The following MGAM2 variants were observed in gnomAD, a reference collection of about 807,000 sequenced individuals.
MGAM2 encodes the protein maltase-glucoamylase 2 (putative), also known as probable maltase-glucoamylase 2.
Under a neutral mutation model 96.1 loss-of-function variants are expected in MGAM2, and 98 were observed. The ratio of observed to expected loss-of-function variants is 1.02; its 90% CI spans 0.87 to 1.21. MGAM2 has a LOEUF of 1.21. MGAM2 is among the 50% of genes most tolerant of loss of function. The pLI is 0.00. For missense variants in MGAM2, 2,055 were observed against 1,182.4 expected (o/e 1.74, Z -10.82); for synonymous variants, 749 against 414.8 (o/e 1.81, Z -9.79).
At position 142,136,393 on chromosome 7, in the gene MGAM2, T is replaced by C. The variant is rs111893329; in HGVS notation, c.748-148T>C. On this transcript the variant is annotated intron_variant, in intron 7 of 47. Transcript: ENST00000477922. ...TGTTTATTCATTTTCCAGTTGATAATATCATTACAATGCCTTTTTGATACA... is the reference window on the plus strand; with the variant it reads ...TGTTTATTCATTTTCCAGTTGATAACATCATTACAATGCCTTTTTGATACA... 1.6e-3 allele frequency: 676 copies of C among 431,064 alleles called. 7 individuals are homozygous for C. Among genetic ancestry groups the C allele is most frequent in the African/African-American group, 0.012 (586 of 49,592 alleles). The allele number at this position is 431,064 out of a possible 1,614,324, so 26.7% of individuals were successfully genotyped here.
intron 32 of MGAM2, among the ~76,000 whole-genome samples, chr7:142,177,083 G>C (rs1446868624): frequency 2.0e-5 from 3 of 152,110 alleles, no homozygotes; most frequent in African/African-American, 7.2e-5. Flanking sequence ...TAATGCTGAG[G>C]TTTGGAGTAT....
chr7:142,167,449 A>C lies in MGAM2; in HGVS notation c.2990A>C (p.Lys997Thr). The C allele has an allele frequency of 1.4e-6, 1 of 702,996 alleles. No homozygotes were observed. The highest frequency in any genetic ancestry group is 1.5e-5 in the South Asian group (1 of 67,592). The allele number at this position is 702,996 out of a possible 1,614,324, so 43.5% of individuals were successfully genotyped here. The change falls in exon 26 of 48, where the codon AAA becomes ACA. Residue 997 changes from lysine to threonine, a missense_variant. Coordinates refer to ENST00000477922, the MANE Select transcript of MGAM2 (RefSeq NM_001293626.2). Reference protein sequence around the residue: ...LSAKISFLHLKVIYHTATMLQ... With the variant: ...LSAKISFLHLTVIYHTATMLQ... ...GCAAAGATCAGCTTCCTCCACCTGA[A>C]AGTGATCTATCACACAGCAACCATG...
In MGAM2 at chr7:142,161,212, A is replaced by G. The variant is rs1399549057; in HGVS notation, c.2433A>G (p.Lys811=). ...TGTACTGGGATGACGGTGTATCTAA[A>G]GGTAGACTTTCTCAAGGCACCATCC... The part of the protein sequence containing the change: ...GELYWDDGVS[K]DAVTEKKYIL... Residue 811 remains lysine, a splice_region_variant and synonymous_variant, in exon 22 of 48, where the codon AAA becomes AAG. Coordinates refer to ENST00000477922, the MANE Select transcript of MGAM2 (RefSeq NM_001293626.2). 1 of 702,292 alleles carries G rather than the reference A, an allele frequency of 1.4e-6. No homozygotes were observed. Among genetic ancestry groups the G allele is most frequent in the African/African-American group, 1.7e-5 (1 of 57,236 alleles). 43.5% of individuals were successfully genotyped at this position (702,292 alleles called of 1,614,324 possible).
At chr7:142,153,885 A>G (rs1795656237) in intron 15 of MGAM2, 133 bp from the exon 16 acceptor site, 1 of 468,492 alleles carries the variant, frequency 2.1e-6, no homozygotes, top group East Asian at 2.9e-5. Context: ...TACTAAGTTT[A>G]TGACACCTGG....
chr7:142,197,719 G>T lies in MGAM2; in HGVS notation c.4857G>T (p.Val1619=), dbSNP rs1294568436. The part of the protein sequence containing the change: ...MLGPAILISP[V]LETSTFEISA... The stretch of plus-strand genomic sequence containing the variant: ...GCCCTGCTATCTTAATCAGCCCTGT[G>T]TTGGAAACTGTGAGTTCTTCATTGT... The change falls in exon 42 of 48, where the codon GTG becomes GTT. Residue 1619 remains valine (V), a synonymous_variant. Coordinates refer to ENST00000477922, the MANE Select transcript of MGAM2 (RefSeq NM_001293626.2). 5 of 702,804 alleles carry T rather than the reference G, an allele frequency of 7.1e-6. No individual in the cohort carries two copies. The Admixed American group carries it at 1.0e-4, about 14-fold the overall frequency. 43.5% of individuals were successfully genotyped at this position (702,804 alleles called of 1,614,324 possible). A position where few individuals can be genotyped will look rare whatever the true frequency, so the allele number is the denominator to read the frequency against.
intron 3 of MGAM2, among the ~76,000 whole-genome samples, chr7:142,126,170 A>C (rs1794728469): frequency 6.6e-6 from 1 of 152,100 alleles, no homozygotes; most frequent in Non-Finnish European, 1.5e-5. Flanking sequence ...GAATTATGTT[A>C]AAATATTTTT....
At chr7:142,144,714 G>A in intron 13 of MGAM2, 147 bp from the exon 14 acceptor site, 1 of 515,240 alleles carries the variant, frequency 1.9e-6, no homozygotes, top group Non-Finnish European at 3.4e-6. Flanking sequence ...GAAACAGAGG[G>A]TAAGAAAAAT....
chr7:142,214,915 C>A (rs1797707300), intron 46 of MGAM2, among the ~76,000 whole-genome samples: 1 of 152,114 alleles, frequency 6.6e-6, no homozygotes, highest in Non-Finnish European at 1.5e-5. Flanking sequence ...GATCTAGAAC[C>A]AGAAATACCA....
At position 142,146,069 on chromosome 7, in the gene MGAM2, C is replaced by T. The variant is rs879776098; in HGVS notation, c.1516+1124C>T. 6.6e-5 allele frequency among the ~76,000 whole-genome samples: 10 copies of T among 150,630 alleles called. No individual in the cohort carries two copies. In the South Asian group the frequency reaches 8.4e-4, roughly 13 times the overall value. ...TTGCAACATCTACTGTTTGCTTTTTCGACTTACTCTTTGTTCTTCTCTGCT... is the reference window on the plus strand; with the variant it reads ...TTGCAACATCTACTGTTTGCTTTTTTGACTTACTCTTTGTTCTTCTCTGCT... On this transcript the variant is annotated intron_variant, in intron 14 of 47. Transcript: ENST00000477922.
intron 13 of MGAM2, 82 bp from the exon 14 acceptor site, chr7:142,144,779 G>T: frequency 3.3e-6 from 2 of 601,640 alleles, no homozygotes; most frequent in Non-Finnish European, 6.0e-6. Context: ...AGATATCCTG[G>T]CTCCTAGTTC....
intron 1 of MGAM2, among the ~76,000 whole-genome samples, chr7:142,112,342 G>A (rs1817202229): frequency 6.6e-6 from 1 of 152,158 alleles, no homozygotes; most frequent in African/African-American, 2.4e-5. Context: ...GAGCTAAGGT[G>A]CTGAACCTGC....
Position 142,157,996 on chromosome 7 carries a change from T to C in MGAM2, c.1983T>C (p.Tyr661=), listed in dbSNP as rs1585172248. Residue 661 remains tyrosine, a synonymous_variant, in exon 18 of 48, where the codon TAT becomes TAC. Transcript: ENST00000477922. ...TGCTGCTGAAATCCTCCAGACATTA[T>C]CTGAACATCCGCTACACCTTGCTGC... is the stretch of plus-strand genomic sequence containing the variant. ...DSLLLKSSRH[Y]LNIRYTLLPY... is the part of the protein sequence containing the mutation. The C allele has an allele frequency of 1.4e-5, 10 of 702,872 alleles. No homozygotes were observed. The East Asian group carries it at 2.7e-4, about 19-fold the overall frequency. 43.5% of individuals were successfully genotyped at this position (702,872 alleles called of 1,614,324 possible). A position where few individuals can be genotyped will look rare whatever the true frequency, so the allele number is the denominator to read the frequency against.
chr7:142,160,885 A>G (rs1795868172), intron 21 of MGAM2, among the ~76,000 whole-genome samples: 1 of 152,106 alleles, frequency 6.6e-6, no homozygotes, highest in South Asian at 2.1e-4. Flanking sequence ...GGTATTATGT[A>G]TTGCAACCCA....
chr7:142,114,208 AAGAAAG>A (rs1179095918), intron 1 of MGAM2, among the ~76,000 whole-genome samples: 3 of 133,572 alleles, frequency 2.2e-5, no homozygotes, highest in East Asian at 4.1e-4. Context: ...GAAAGAAAGA[AAGAAAG>A]AGAGAAAGAA....
intron 1 of MGAM2, among the ~76,000 whole-genome samples, chr7:142,115,077 C>T (rs955591567): frequency 1.4e-4 from 21 of 152,092 alleles, no homozygotes; most frequent in Admixed American, 6.6e-4. Context: ...GTTAGCCACA[C>T]GTAGTGGCAT....
intron 10 of MGAM2, among the ~76,000 whole-genome samples, chr7:142,139,826 ATG>A (rs1037281760): frequency 1.3e-5 from 2 of 152,012 alleles, no homozygotes; most frequent in Admixed American, 6.6e-5. Flanking sequence ...CAGATGGTCA[ATG>A]TGTTTTGGTG....
intron 45 of MGAM2, among the ~76,000 whole-genome samples, chr7:142,201,088 T>C (rs1167296088): frequency 7.4e-6 from 1 of 135,702 alleles, no homozygotes; most frequent in East Asian, 2.1e-4. Context: ...TTTTCTTTTT[T>C]TTTTTTTTTT....
intron 24 of MGAM2, among the ~76,000 whole-genome samples, chr7:142,165,809 A>G (rs1254768480): frequency 6.6e-6 from 1 of 152,188 alleles, no homozygotes; most frequent in African/African-American, 2.4e-5. Context: ...TACTACTTTT[A>G]TTAAATTGGT....
At chr7:142,117,157 A>T (rs1323390582) in intron 2 of MGAM2, among the ~76,000 whole-genome samples, 178 bp downstream of exon 2, 2 of 152,092 alleles carry the variant, frequency 1.3e-5, no homozygotes, top group Non-Finnish European at 2.9e-5. Context: ...CTGCACTGAA[A>T]CCTTGAATGT....
Sources: allele counts gnomAD v4.1 joint callset (sites outside exome capture counted in the v4.1 genomes callset), GRCh38; gene constraint gnomAD v4.1.1; transcripts MANE v1.5; gene names NCBI Gene and HGNC (gene_info 2026-07-23, HGNC 2026-07-21).